The following DLGAP1 variants were observed in gnomAD, a reference collection of about 807,000 sequenced individuals.
The protein encoded by DLGAP1 is DLG associated protein 1, also known as disks large-associated protein 1.
In DLGAP1, 11 loss-of-function variants were observed where a neutral mutation model predicts 90.8. That is an observed-to-expected ratio of 0.12 (90% confidence interval 0.08 to 0.20). The LOEUF (loss-of-function observed/expected upper bound fraction) is 0.20. Among genes scored for constraint, DLGAP1 ranks in the 10% least tolerant of loss-of-function variants. The pLI is 1.00. For synonymous variants in DLGAP1, 558 were observed against 540.7 expected (o/e 1.03, Z -0.44); for missense variants, 1,050 against 1,333.8 (o/e 0.79, Z 3.31).
chr18:4,320,717 TACACACACACACACACACACACACACAC>T (rs71160954), intron 1 of DLGAP1, among the ~76,000 whole-genome samples: 9 of 146,820 alleles, frequency 6.1e-5, no homozygotes, highest in East Asian at 2.0e-4. Context: ...ATTACAATTT[TACACACACACACACACACACACACACAC>T]ACACACACAC....
intron 2 of DLGAP1, among the ~76,000 whole-genome samples, chr18:4,092,477 T>C (rs2075786206): frequency 6.6e-6 from 1 of 152,156 alleles, no homozygotes; most frequent in Non-Finnish European, 1.5e-5. Flanking sequence ...TGGTTTCTCG[T>C]CCATCCCCTT....
chr18:4,214,750 T>C (rs2077917665), intron 1 of DLGAP1, among the ~76,000 whole-genome samples: 1 of 152,186 alleles, frequency 6.6e-6, no homozygotes, highest in South Asian at 2.1e-4. Context: ...GGGACTAGAA[T>C]TAATTAACCT....
chr18:4,212,406 C>A (rs560363899), intron 1 of DLGAP1, among the ~76,000 whole-genome samples: 3 of 151,940 alleles, frequency 2.0e-5, no homozygotes, highest in Non-Finnish European at 4.4e-5. Flanking sequence ...TGGCTCACAC[C>A]TGTAATCTCA....
intron 7 of DLGAP1, among the ~76,000 whole-genome samples, chr18:3,720,411 G>C (rs1377588041): frequency 6.6e-6 from 1 of 152,142 alleles, no homozygotes; most frequent in African/African-American, 2.4e-5. Flanking sequence ...ATGTGAGACT[G>C]TTTCAAATGC....
chr18:3,628,591 C>T lies in DLGAP1; in HGVS notation c.1592-46343G>A, dbSNP rs2058403634. Among the ~76,000 whole-genome samples the T allele has an allele frequency of 2.0e-5, 3 of 152,182 alleles. No homozygotes were observed. In the South Asian group the frequency reaches 6.2e-4, roughly 32 times the overall value. ...AGTTCACATTCCCCGTGCATCTTTT[C>T]CCTGTTACAAACCCCTCCTATCCCA... On this transcript the variant is annotated intron_variant, in intron 7 of 12. Transcript: ENST00000315677.
chr18:3,725,060 C>T (rs1195327882), intron 7 of DLGAP1, among the ~76,000 whole-genome samples: 3 of 152,194 alleles, frequency 2.0e-5, no homozygotes, highest in Non-Finnish European at 4.4e-5. Flanking sequence ...TAATACCTCC[C>T]TATCTCTTTA....
chr18:4,178,200 T>C (rs892780025), intron 1 of DLGAP1, among the ~76,000 whole-genome samples: 18 of 106,882 alleles, frequency 1.7e-4, no homozygotes, highest in African/African-American at 6.5e-4. Context: ...GGTCCTGGAA[T>C]AAACACACAC....
At chr18:4,104,885 A>C (rs190090338) in intron 2 of DLGAP1, among the ~76,000 whole-genome samples, 2 of 152,326 alleles carry the variant, frequency 1.3e-5, no homozygotes, top group Admixed American at 1.3e-4. Flanking sequence ...AATTCTATTA[A>C]GTTTGTCTGA....
chr18:3,540,287 C>T (rs1177390621), intron 9 of DLGAP1, among the ~76,000 whole-genome samples: 1 of 151,446 alleles, frequency 6.6e-6, no homozygotes, highest in Non-Finnish European at 1.5e-5. Flanking sequence ...GGCAACATGG[C>T]AAAATCCCGT....
intron 1 of DLGAP1, among the ~76,000 whole-genome samples, chr18:4,441,789 C>G (rs1232025040): frequency 1.3e-5 from 2 of 152,120 alleles, no homozygotes; most frequent in Non-Finnish European, 2.9e-5. Flanking sequence ...ACATTTCTGA[C>G]AGTTATCAAT....
At chr18:4,008,392 A>G (rs1305748669) in intron 2 of DLGAP1, among the ~76,000 whole-genome samples, 2 of 152,148 alleles carry the variant, frequency 1.3e-5, no homozygotes, top group East Asian at 3.9e-4. Context: ...AAAAATACCT[A>G]TTTTCGCAAG....
At chr18:4,054,044 AG>A (rs1459503680) in intron 2 of DLGAP1, among the ~76,000 whole-genome samples, 1 of 152,194 alleles carries the variant, frequency 6.6e-6, no homozygotes, top group African/African-American at 2.4e-5. Flanking sequence ...ATGAGGGGTG[AG>A]GTCAAAGGGC....
At chr18:4,419,244 C>T (rs55878188) in intron 1 of DLGAP1, among the ~76,000 whole-genome samples, 7,771 of 152,160 alleles carry the variant, frequency 0.051, 345 homozygotes, top group African/African-American at 0.12. Flanking sequence ...GAGAACAGCA[C>T]GGGAAAGACC....
Position 4,031,853 on chromosome 18 carries a change from T to C in DLGAP1, c.-158-26652A>G, listed in dbSNP as rs542613829. Among the ~76,000 whole-genome samples, 3 of 152,318 alleles carry C rather than the reference T, an allele frequency of 2.0e-5. No homozygotes were observed. In the South Asian group the frequency reaches 6.2e-4, roughly 32 times the overall value. On this transcript the variant is annotated intron_variant, in intron 2 of 12. Coordinates refer to ENST00000315677, the MANE Select transcript of DLGAP1 (RefSeq NM_004746.4). The stretch of plus-strand genomic sequence containing the variant: ...TCAATTAAAATGATGATGATAAAAA[T>C]GACAGAGCAACTTTGAAAAATCATA...
In DLGAP1 at chr18:4,378,590, T is replaced by TA. The variant is rs1173450380; in HGVS notation, c.-267+76415dup. On this transcript the variant is annotated intron_variant, in intron 1 of 12. Coordinates refer to ENST00000315677, the MANE Select transcript of DLGAP1 (RefSeq NM_004746.4). This position sits in a 1 kb window ranked among gnomAD's most constrained non-coding sequence, Gnocchi z 4.5. ...AAATCAACAAATAAAATCAAGCTCTTAGAGTGCTTAAGAATCCATGGTGGG... is the reference window on the plus strand; with the variant it reads ...AAATCAACAAATAAAATCAAGCTCTTAAGAGTGCTTAAGAATCCATGGTGGG... 6.6e-6 allele frequency among the ~76,000 whole-genome samples: 1 copy of TA among 152,102 alleles called. No individual in the cohort carries two copies. Among genetic ancestry groups the TA allele is most frequent in the African/African-American group, 2.4e-5 (1 of 41,430 alleles).
chr18:4,391,342 G>T (rs1250288212), intron 1 of DLGAP1, among the ~76,000 whole-genome samples: 1 of 152,252 alleles, frequency 6.6e-6, no homozygotes, highest in East Asian at 1.9e-4. Context: ...TCTTCATCCT[G>T]CTTTTGCCTT....
At chr18:3,656,621 T>C (rs2059493300) in intron 7 of DLGAP1, among the ~76,000 whole-genome samples, 1 of 152,174 alleles carries the variant, frequency 6.6e-6, no homozygotes, top group African/African-American at 2.4e-5. Flanking sequence ...CTTGGTCTGA[T>C]GGGTTTAGAT....
In DLGAP1 at chr18:3,845,685, G is replaced by GAA. The variant is rs1433111456; in HGVS notation, c.958-31414_958-31413dup. On this transcript the variant is annotated intron_variant, in intron 4 of 12. Transcript: ENST00000315677. ...GGGGTAACGTATATTCTGTCAAATG[G>GAA]AAGTCCCCATCAGGGAACGATCCTT... 8.3e-6 allele frequency: 7 copies of GAA among 847,372 alleles called. No homozygotes were observed. In the South Asian group the frequency reaches 3.3e-4, roughly 39 times the overall value. The allele number at this position is 847,372 out of a possible 1,614,324, so 52.5% of individuals were successfully genotyped here.
At chr18:3,692,442 G>C (rs939697636) in intron 7 of DLGAP1, among the ~76,000 whole-genome samples, 4 of 152,052 alleles carry the variant, frequency 2.6e-5, no homozygotes, top group African/African-American at 9.7e-5. Flanking sequence ...CCTTTTACCA[G>C]GCATCAGAGT....
Sources: allele counts gnomAD v4.1 joint callset (sites outside exome capture counted in the v4.1 genomes callset), GRCh38; gene constraint gnomAD v4.1.1; non-coding constraint Gnocchi (gnomAD v3.1); transcripts MANE v1.5; gene names NCBI Gene and HGNC (gene_info 2026-07-23, HGNC 2026-07-21).